Variants in THRB observed in about 807,000 individuals in gnomAD.
The protein encoded by THRB is thyroid hormone receptor beta.
In THRB, 12 loss-of-function variants were observed where a neutral mutation model predicts 47.8. The ratio of observed to expected loss-of-function variants is 0.25; its 90% confidence interval spans 0.16 to 0.41. The LOEUF is 0.41. Among genes scored for constraint, THRB ranks in the 10% least tolerant of loss-of-function variants. THRB has a pLI of 1.00. For missense variants in THRB, 348 were observed against 589.2 expected (o/e 0.59, Z 4.24); for synonymous variants, 218 against 212.2 (o/e 1.03, Z -0.24).
intron 3 of THRB, among the ~76,000 whole-genome samples, chr3:24,273,147 C>CA (rs2053533036): frequency 2.0e-5 from 3 of 152,052 alleles, no homozygotes; most frequent in Non-Finnish European, 2.9e-5. Flanking sequence ...CACACACACA[C>CA]CCACACACAC....
chr3:24,391,091 T>C (rs1332440224), intron 1 of THRB, among the ~76,000 whole-genome samples: 1 of 152,012 alleles, frequency 6.6e-6, no homozygotes, highest in Non-Finnish European at 1.5e-5. Context: ...TTGGGACAGG[T>C]GAGCAGGGGA....
intron 3 of THRB, among the ~76,000 whole-genome samples, chr3:24,272,842 T>A (rs551499509): frequency 6.6e-6 from 1 of 152,344 alleles, no homozygotes; most frequent in East Asian, 1.9e-4. Context: ...TATTTTACTC[T>A]TCCTATGGTC....
chr3:24,418,444 A>C (rs1222116094), intron 1 of THRB, among the ~76,000 whole-genome samples: 8 of 151,996 alleles, frequency 5.3e-5, no homozygotes, highest in Non-Finnish European at 1.2e-4. Context: ...GTATTTTACA[A>C]ACCCCTACTG....
At chr3:24,150,437 A>G (rs952401411) in intron 6 of THRB, among the ~76,000 whole-genome samples, 5 of 152,160 alleles carry the variant, frequency 3.3e-5, no homozygotes, top group Admixed American at 1.3e-4. Flanking sequence ...AATGAAGGCA[A>G]CCCTAGAAAC....
chr3:24,349,976 T>C (rs1462910214), intron 1 of THRB, among the ~76,000 whole-genome samples: 2 of 151,998 alleles, frequency 1.3e-5, no homozygotes, highest in East Asian at 3.9e-4. Flanking sequence ...GCATTACAGA[T>C]GACTTACAAA....
chr3:24,402,936 T>A (rs1335229845), intron 1 of THRB, among the ~76,000 whole-genome samples: 2 of 152,042 alleles, frequency 1.3e-5, no homozygotes, highest in Admixed American at 6.6e-5. Flanking sequence ...GATAGAACAA[T>A]TGATCACCTA....
At position 24,444,517 on chromosome 3, in the gene THRB, T is replaced by C. The variant is rs572686242; in HGVS notation, c.-261+50135A>G. ...TATCACATAAGACTTGAAAAAGAGATATTTTGAAATTATTGAAAATTGTGA... is the reference window on the plus strand; with the variant it reads ...TATCACATAAGACTTGAAAAAGAGACATTTTGAAATTATTGAAAATTGTGA... On this transcript the variant is annotated intron_variant, in intron 1 of 10. Coordinates refer to ENST00000646209, the MANE Select transcript of THRB (RefSeq NM_001354712.2). Among the ~76,000 whole-genome samples the C allele has an allele frequency of 2.6e-5, 4 of 152,346 alleles. No individual in the cohort carries two copies. The South Asian group carries it at 6.2e-4, about 24-fold the overall frequency.
chr3:24,391,812 T>C (rs1410421323), intron 1 of THRB, among the ~76,000 whole-genome samples: 15 of 152,174 alleles, frequency 9.9e-5, no homozygotes, highest in Admixed American at 9.8e-4. Context: ...CTTGAGCACT[T>C]TCCATGTGCC....
chr3:24,299,511 T>C (rs1025552187), intron 2 of THRB, among the ~76,000 whole-genome samples: 1 of 151,968 alleles, frequency 6.6e-6, no homozygotes, highest in South Asian at 2.1e-4. Flanking sequence ...GACCCGATGC[T>C]GTATCCTATA....
chr3:24,243,512 A>T (rs534756759), intron 3 of THRB, among the ~76,000 whole-genome samples: 1 of 151,168 alleles, frequency 6.6e-6, no homozygotes, highest in Non-Finnish European at 1.5e-5. Flanking sequence ...TGCCTCCAAC[A>T]CCTGCTTGGG....
intron 2 of THRB, among the ~76,000 whole-genome samples, chr3:24,317,843 G>C (rs549870791): frequency 6.6e-6 from 1 of 152,274 alleles, no homozygotes; most frequent in South Asian, 2.1e-4. Context: ...GATTGCTTAA[G>C]CCCAGGAGTT....
chr3:24,367,688 A>G (rs1403872898), intron 1 of THRB, among the ~76,000 whole-genome samples: 1 of 152,180 alleles, frequency 6.6e-6, no homozygotes, highest in Admixed American at 6.5e-5. Context: ...ACATGCTTTG[A>G]AAATTTCCTT....
chr3:24,272,161 G>A (rs2053403897), intron 3 of THRB, among the ~76,000 whole-genome samples: 1 of 152,072 alleles, frequency 6.6e-6, no homozygotes, highest in Non-Finnish European at 1.5e-5. Flanking sequence ...GGGCAACACA[G>A]CGAGATCTCT....
At chr3:24,344,910 A>G (rs1290974996) in intron 1 of THRB, among the ~76,000 whole-genome samples, 2 of 152,158 alleles carry the variant, frequency 1.3e-5, no homozygotes, top group Non-Finnish European at 2.9e-5. Context: ...CAAAATGACT[A>G]AAGTACTCTG....
intron 2 of THRB, among the ~76,000 whole-genome samples, chr3:24,316,569 C>T (rs1410736008): frequency 1.3e-5 from 2 of 152,088 alleles, no homozygotes; most frequent in African/African-American, 2.4e-5. Flanking sequence ...CTAGAGTCTA[C>T]ACAACCTACA....
chr3:24,178,877 A>G (rs185446856), intron 5 of THRB, among the ~76,000 whole-genome samples: 5 of 152,312 alleles, frequency 3.3e-5, no homozygotes, highest in Admixed American at 2.6e-4. Flanking sequence ...TAGGTGATAG[A>G]TATGTTAATT....
intron 1 of THRB, among the ~76,000 whole-genome samples, chr3:24,427,481 T>A (rs539081384): frequency 3.3e-5 from 5 of 151,906 alleles, no homozygotes; most frequent in Non-Finnish European, 7.4e-5. Flanking sequence ...GTGCTTTTTA[T>A]AACCAAAAAA....
intron 2 of THRB, among the ~76,000 whole-genome samples, chr3:24,315,085 G>C (rs935116336): frequency 6.6e-6 from 1 of 152,188 alleles, no homozygotes; most frequent in East Asian, 1.9e-4. Context: ...TACTGGACAA[G>C]TACGTTTCTG....
chr3:24,481,365 C>G (rs184635536), intron 1 of THRB, among the ~76,000 whole-genome samples: 1 of 150,508 alleles, frequency 6.6e-6, no homozygotes, highest in Non-Finnish European at 1.5e-5. Context: ...TCTGAGGACA[C>G]GCGGTTGCTC....
Sources: gnomAD v4.1 joint callset for allele counts (sites outside exome capture counted in the v4.1 genomes callset) on GRCh38, gnomAD v4.1.1 for gene constraint, MANE v1.5 for transcripts, NCBI Gene and HGNC (gene_info 2026-07-23, HGNC 2026-07-21) for gene names.